The following BDKRB2 variants were observed in gnomAD, a reference collection of about 807,000 sequenced individuals.
BDKRB2 encodes the protein bradykinin receptor B2.
In BDKRB2, 6 loss-of-function variants were observed where a neutral mutation model predicts 4.0. That is an observed-to-expected ratio of 1.49 (90% CI 0.81 to 2.93). The LOEUF is 2.93. Among genes scored for constraint, BDKRB2 ranks in the 30% most tolerant of loss-of-function variants. The probability of loss-of-function intolerance (pLI) is 0.00; values close to 1 mark genes in which losing one functional copy is unlikely to be tolerated. For missense variants in BDKRB2, 478 were observed against 520.1 expected (o/e 0.92, Z 0.79); for synonymous variants, 225 against 215.3 (o/e 1.05, Z -0.40).
At chr14:96,216,209 C>A (rs538018469) in intron 1 of BDKRB2, among the ~76,000 whole-genome samples, 3 of 152,206 alleles carry the variant, frequency 2.0e-5, no homozygotes, top group African/African-American at 4.8e-5. Flanking sequence ...CACATATAGC[C>A]TGTGCCTTAG....
In BDKRB2 at chr14:96,237,147, C is replaced by G. The variant is rs1046248; in HGVS notation, c.40C>G (p.Arg14Gly). 2 of 1,613,866 alleles carry G rather than the reference C, an allele frequency of 1.2e-6. No homozygotes were observed. The highest frequency in any genetic ancestry group is 1.3e-5 in the African/African-American group (1 of 75,034). The stretch of plus-strand genomic sequence containing the variant: ...GAAGATATCAATGTTTCTGTCTGTT[C>G]GTGAGGACTCCGTGCCCACCACGGC... ...PWKISMFLSV[R>G]EDSVPTTASF... is the part of the protein sequence containing the mutation. Residue 14 changes from arginine to glycine, a missense_variant, in exon 2 of 3, where the codon CGT becomes GGT. Arg to Gly is a moderately radical substitution (Grantham distance 125). Transcript: ENST00000554311.
chr14:96,206,602 G>T (rs572218563), intron 1 of BDKRB2, among the ~76,000 whole-genome samples: 2 of 150,812 alleles, frequency 1.3e-5, no homozygotes, highest in Non-Finnish European at 2.9e-5. Flanking sequence ...GCCAAAAACC[G>T]CAATGACTTT....
intron 1 of BDKRB2, among the ~76,000 whole-genome samples, chr14:96,223,985 G>A (rs1345275462): frequency 6.6e-6 from 1 of 152,130 alleles, no homozygotes; most frequent in African/African-American, 2.4e-5. Context: ...TTCCTGGATA[G>A]TTGATGCCAT....
chr14:96,205,694 G>T (rs962773945), intron 1 of BDKRB2, among the ~76,000 whole-genome samples: 1 of 152,162 alleles, frequency 6.6e-6, no homozygotes, highest in Admixed American at 6.5e-5. Context: ...TGACGTTTTT[G>T]GGCGAGTTAT....
In BDKRB2 at chr14:96,223,252, C is replaced by T. The variant is rs1006448004; in HGVS notation, c.-39-13817C>T. On this transcript the variant is annotated intron_variant, in intron 1 of 2. Coordinates refer to ENST00000554311, the MANE Select transcript of BDKRB2 (RefSeq NM_001379692.1). ...ATCTGAATGGAGGAATCTTGGCGTT[C>T]AGCAGAGTCAGGGATGGGTCCATAA... 4 of 1,062,576 alleles carry T rather than the reference C, an allele frequency of 3.8e-6. No individual in the cohort carries two copies. The Admixed American group carries it at 5.1e-5, about 13-fold the overall frequency. 65.8% of individuals were successfully genotyped at this position (1,062,576 alleles called of 1,614,324 possible).
At chr14:96,231,609 G>A (rs1333407628) in intron 1 of BDKRB2, among the ~76,000 whole-genome samples, 1 of 152,166 alleles carries the variant, frequency 6.6e-6, no homozygotes, top group Admixed American at 6.5e-5. Context: ...CATTTATTCT[G>A]GGGAGGTGTC....
chr14:96,211,822 C>T (rs1387191576), intron 1 of BDKRB2, among the ~76,000 whole-genome samples: 1 of 152,154 alleles, frequency 6.6e-6, no homozygotes, highest in Non-Finnish European at 1.5e-5. Flanking sequence ...AAACTACCTA[C>T]GAAAACTGGG....
At chr14:96,235,258 G>A (rs1012464906) in intron 1 of BDKRB2, among the ~76,000 whole-genome samples, 1 of 148,022 alleles carries the variant, frequency 6.8e-6, no homozygotes, top group African/African-American at 2.5e-5. Context: ...TGAGACAGGA[G>A]AATCGCTTGA....
chr14:96,239,285 G>C, intron 2 of BDKRB2: 1 of 974,234 alleles, frequency 1.0e-6, no homozygotes, highest in Non-Finnish European at 1.2e-6. Context: ...AAAAAGAAAT[G>C]CAAAGCGATT....
intron 1 of BDKRB2, among the ~76,000 whole-genome samples, chr14:96,230,877 A>C (rs1283327428): frequency 6.6e-6 from 1 of 152,142 alleles, no homozygotes; most frequent in African/African-American, 2.4e-5. Flanking sequence ...TGGCCTCCCA[A>C]AGTGCTGGGA....
chr14:96,223,924 C>A (rs1890635980), intron 1 of BDKRB2, among the ~76,000 whole-genome samples: 1 of 151,956 alleles, frequency 6.6e-6, no homozygotes, highest in African/African-American at 2.4e-5. Context: ...TTCAAGAAAA[C>A]CAGCTGTGAA....
intron 1 of BDKRB2, among the ~76,000 whole-genome samples, chr14:96,213,533 C>CACAT (rs55770571): frequency 4.6e-5 from 7 of 150,936 alleles, no homozygotes; most frequent in East Asian, 3.9e-4. Context: ...CACACACACA[C>CACAT]GTGTACACAC....
At chr14:96,235,061 C>T (rs1366388192) in intron 1 of BDKRB2, among the ~76,000 whole-genome samples, 4 of 152,100 alleles carry the variant, frequency 2.6e-5, no homozygotes, top group Non-Finnish European at 4.4e-5. Flanking sequence ...AAAATGAATG[C>T]TTTAAGCCGG....
intron 1 of BDKRB2, among the ~76,000 whole-genome samples, chr14:96,219,875 T>TAGGAGTTGGA (rs1890514916): frequency 6.6e-6 from 1 of 151,224 alleles, no homozygotes; most frequent in Admixed American, 6.6e-5. Flanking sequence ...GAAGGATGAG[T>TAGGAGTTGGA]AGGAGTTGGA....
chr14:96,207,304 T>C (rs917576962), intron 1 of BDKRB2, among the ~76,000 whole-genome samples: 3 of 152,060 alleles, frequency 2.0e-5, no homozygotes, highest in Admixed American at 6.6e-5. Flanking sequence ...TAGCAGGCAA[T>C]AAAAAAGCAT....
At chr14:96,210,010 A>G (rs908699486) in intron 1 of BDKRB2, among the ~76,000 whole-genome samples, 1 of 142,048 alleles carries the variant, frequency 7.0e-6, no homozygotes. Context: ...TAATAATAAT[A>G]ATAATAATCA....
At chr14:96,217,167 C>T (rs935069424) in intron 1 of BDKRB2, among the ~76,000 whole-genome samples, 1 of 152,262 alleles carries the variant, frequency 6.6e-6, no homozygotes. Flanking sequence ...AAGCAAACAC[C>T]CTGTTCTGTG....
chr14:96,213,945 G>A (rs893873897), intron 1 of BDKRB2, among the ~76,000 whole-genome samples: 1 of 152,236 alleles, frequency 6.6e-6, no homozygotes, highest in African/African-American at 2.4e-5. Flanking sequence ...AAGGTCGAGA[G>A]GTGGGAACTC....
At chr14:96,232,139 G>T (rs925584033) in intron 1 of BDKRB2, among the ~76,000 whole-genome samples, 4 of 152,332 alleles carry the variant, frequency 2.6e-5, no homozygotes, top group African/African-American at 9.6e-5. Context: ...TCCTGGGCTG[G>T]TGCAGGAAGA....
Sources: allele counts gnomAD v4.1 joint callset (sites outside exome capture counted in the v4.1 genomes callset), GRCh38; gene constraint gnomAD v4.1.1; transcripts MANE v1.5; gene names NCBI Gene and HGNC (gene_info 2026-07-23, HGNC 2026-07-21).